The following BMERB1 variants were observed in gnomAD, a reference collection of about 807,000 sequenced individuals.
BMERB1 encodes bMERB domain containing 1.
Under a neutral mutation model 23.6 loss-of-function variants are expected in BMERB1, and 12 were observed. The ratio of observed to expected loss-of-function variants is 0.51; its 90% CI spans 0.33 to 0.82. The LOEUF (loss-of-function observed/expected upper bound fraction) is 0.82. Among genes scored for constraint, BMERB1 ranks in the 40% least tolerant of loss-of-function variants. BMERB1 has a pLI of 0.03. For missense variants in BMERB1, 247 were observed against 255.4 expected (o/e 0.97, Z 0.22); for synonymous variants, 122 against 96.6 (o/e 1.26, Z -1.54).
At chr16:15,553,260 G>A (rs1365006196) in intron 2 of BMERB1, among the ~76,000 whole-genome samples, 1 of 152,160 alleles carries the variant, frequency 6.6e-6, no homozygotes, top group Non-Finnish European at 1.5e-5. Context: ...CACCTGCCTC[G>A]GCCTCCCGAA....
At chr16:15,466,511 G>T (rs1386503594) in intron 1 of BMERB1, among the ~76,000 whole-genome samples, 1 of 151,752 alleles carries the variant, frequency 6.6e-6, no homozygotes, top group Non-Finnish European at 1.5e-5. Context: ...TCAGCTTGTG[G>T]CCTGTCTTTT....
At chr16:15,574,971 C>G (rs1185079724) in intron 3 of BMERB1, among the ~76,000 whole-genome samples, 2 of 152,098 alleles carry the variant, frequency 1.3e-5, no homozygotes, top group Admixed American at 1.3e-4. Flanking sequence ...TCCAGCTACT[C>G]GGGAGACTGA....
At chr16:15,478,537 TG>T (rs2051291561) in intron 1 of BMERB1, among the ~76,000 whole-genome samples, 1 of 152,318 alleles carries the variant, frequency 6.6e-6, no homozygotes, top group East Asian at 1.9e-4. Flanking sequence ...TTTTTGGGTG[TG>T]ACAGTGATTT....
intron 1 of BMERB1, among the ~76,000 whole-genome samples, chr16:15,509,954 CA>C (rs899660967): frequency 1.6e-4 from 24 of 152,132 alleles, no homozygotes; most frequent in Admixed American, 1.2e-3. Context: ...CACACAGAGC[CA>C]CCCGGAGGAA....
At chr16:15,584,114 T>C in intron 5 of BMERB1, 2 of 699,718 alleles carry the variant, frequency 2.9e-6, no homozygotes, top group East Asian at 5.4e-5. Context: ...AAATGCTGTT[T>C]ACTTGACCCT....
intron 2 of BMERB1, among the ~76,000 whole-genome samples, chr16:15,556,745 C>T (rs532267863): frequency 6.6e-6 from 1 of 152,190 alleles, no homozygotes; most frequent in East Asian, 1.9e-4. Flanking sequence ...GCCACCACGC[C>T]CAGCTAATTT....
At chr16:15,503,716 A>C (rs1048201602) in intron 1 of BMERB1, among the ~76,000 whole-genome samples, 1 of 152,192 alleles carries the variant, frequency 6.6e-6, no homozygotes, top group African/African-American at 2.4e-5. Context: ...GGCAGGAGTT[A>C]TTAGTCCCAT....
At chr16:15,548,860 G>T (rs1176911796) in intron 2 of BMERB1, among the ~76,000 whole-genome samples, 20 of 152,192 alleles carry the variant, frequency 1.3e-4, no homozygotes. Flanking sequence ...GTAGATAGGT[G>T]ATGGCTTCAG....
intron 1 of BMERB1, among the ~76,000 whole-genome samples, chr16:15,471,968 T>C (rs1177798815): frequency 4.6e-5 from 7 of 152,262 alleles, no homozygotes; most frequent in African/African-American, 1.2e-4. Flanking sequence ...TATTTTCATT[T>C]TCATTTGGTT....
chr16:15,537,521 T>C (rs1485930723), intron 2 of BMERB1, among the ~76,000 whole-genome samples: 1 of 151,590 alleles, frequency 6.6e-6, no homozygotes, highest in Non-Finnish European at 1.5e-5. Flanking sequence ...GCCTGGCTAA[T>C]TTTTGTATTT....
At chr16:15,557,273 G>C (rs2030289325) in intron 2 of BMERB1, among the ~76,000 whole-genome samples, 1 of 152,116 alleles carries the variant, frequency 6.6e-6, no homozygotes, top group Non-Finnish European at 1.5e-5. Flanking sequence ...ATCTCTCTCT[G>C]GAACGAGCCG....
chr16:15,504,937 T>C lies in BMERB1; in HGVS notation c.107-10368T>C, dbSNP rs574856597. On this transcript the variant is annotated intron_variant, in intron 1 of 5. Coordinates refer to ENST00000300006, the MANE Select transcript of BMERB1 (RefSeq NM_033201.3). ...AGTATATTCCAATGACTGAAATGAA[T>C]AGCACCCCCACCCCCAGCCCTTCAT... 1.4e-4 allele frequency among the ~76,000 whole-genome samples: 22 copies of C among 151,814 alleles called. No individual in the cohort carries two copies. In the South Asian group the frequency reaches 4.4e-3, roughly 30 times the overall value.
chr16:15,537,085 T>A (rs1162241199), intron 2 of BMERB1: 3 of 152,212 alleles, frequency 2.0e-5, no homozygotes, highest in Non-Finnish European at 4.4e-5. Context: ...CGATGCCATC[T>A]GTTGTCTTCA....
intron 1 of BMERB1, among the ~76,000 whole-genome samples, chr16:15,453,693 G>A (rs2051061389): frequency 1.3e-5 from 2 of 152,074 alleles, no homozygotes; most frequent in Admixed American, 6.6e-5. Context: ...CCAACGTGGT[G>A]AAACCCTGTC....
At chr16:15,569,869 T>C (rs1289192887) in intron 3 of BMERB1, among the ~76,000 whole-genome samples, 1 of 152,198 alleles carries the variant, frequency 6.6e-6, no homozygotes, top group Non-Finnish European at 1.5e-5. Context: ...TTAGCAGAAT[T>C]CAGCCTCCTC....
intron 1 of BMERB1, among the ~76,000 whole-genome samples, chr16:15,439,282 CTG>C (rs2050916695): frequency 6.6e-6 from 1 of 152,150 alleles, no homozygotes. Context: ...CTCAAGGTCT[CTG>C]TGTGTCAGTT....
chr16:15,457,804 T>G (rs1391988300), intron 1 of BMERB1, among the ~76,000 whole-genome samples: 1 of 152,296 alleles, frequency 6.6e-6, no homozygotes, highest in East Asian at 1.9e-4. Flanking sequence ...TACCCAAGAT[T>G]GGGTAATTTA....
intron 1 of BMERB1, among the ~76,000 whole-genome samples, chr16:15,486,114 A>G (rs1014173753): frequency 4.0e-5 from 6 of 150,492 alleles, no homozygotes; most frequent in Admixed American, 1.3e-4. Context: ...TGGTGGCACA[A>G]TCGCTGGAAC....
intron 1 of BMERB1, among the ~76,000 whole-genome samples, chr16:15,443,290 CAT>C (rs1275465330): frequency 1.3e-5 from 2 of 151,444 alleles, no homozygotes; most frequent in African/African-American, 2.4e-5. Context: ...CGGTGGCTCT[CAT>C]GTGTAATCCC....
Sources: gnomAD v4.1 joint callset for allele counts (sites outside exome capture counted in the v4.1 genomes callset) on GRCh38, gnomAD v4.1.1 for gene constraint, MANE v1.5 for transcripts, NCBI Gene and HGNC (gene_info 2026-07-23, HGNC 2026-07-21) for gene names.